SETD5: variants seen among roughly 807,000 people sequenced by gnomAD.
SETD5 encodes SET domain containing 5, also known as histone-lysine N-methyltransferase SETD5.
SETD5 carries 44 observed loss-of-function variants against 153.3 expected under a neutral mutation model. The ratio of observed to expected loss-of-function variants is 0.29; its 90% CI spans 0.23 to 0.37. The LOEUF (loss-of-function observed/expected upper bound fraction) is 0.37. Among genes scored for constraint, SETD5 ranks in the 10% least tolerant of loss-of-function variants. The pLI is 1.00. For synonymous variants in SETD5, 716 were observed against 645.2 expected, an observed-to-expected ratio of 1.11 and a Z score of -1.66; for missense variants, 1,544 against 1,768.0, an observed-to-expected ratio of 0.87 and a Z score of 2.27.
In SETD5 at chr3:9,440,515, G is replaced by A. The variant is rs767899702; in HGVS notation, c.627G>A (p.Arg209=). The change falls in exon 8 of 23, where the codon CGG becomes CGA. Residue 209 remains arginine, a synonymous_variant. Transcript: ENST00000402198. ...DENTTEGWEN[R]IRLWTDQYEE... Reference sequence around the variant, plus strand: ...ATACAACTGAGGGCTGGGAAAATCGGATAAGACTATGGACTGACCAGTATG... The same window carrying A: ...ATACAACTGAGGGCTGGGAAAATCGAATAAGACTATGGACTGACCAGTATG... 66 of 1,613,154 alleles carry A rather than the reference G, an allele frequency of 4.1e-5. No individual in the cohort carries two copies. The Middle Eastern group carries it at 4.9e-4, about 12-fold the overall frequency.
At chr3:9,460,704 A>G (rs1216133648) in intron 17 of SETD5, among the ~76,000 whole-genome samples, 6 of 152,184 alleles carry the variant, frequency 3.9e-5, no homozygotes, top group Non-Finnish European at 7.4e-5. Flanking sequence ...TAGTTATTCT[A>G]CATTTACAGA....
chr3:9,435,356 C>T (rs1165006621), intron 6 of SETD5, among the ~76,000 whole-genome samples: 1 of 151,924 alleles, frequency 6.6e-6, no homozygotes, highest in Non-Finnish European at 1.5e-5. Flanking sequence ...ATAGTTCTCT[C>T]ATTGTAAACG....
intron 21 of SETD5, 113 bp from the exon 22 acceptor site, chr3:9,474,955 C>A: frequency 1.1e-6 from 1 of 936,406 alleles, no homozygotes; most frequent in Non-Finnish European, 1.6e-6. Context: ...CAATTTGTCA[C>A]AAAGAGAGCA....
rs201609011 is a variant in SETD5, at chr3:9,466,224, C to G, written c.2724+1552C>G. On this transcript the variant is annotated intron_variant, in intron 18 of 22. Transcript: ENST00000402198. ...AATGGCGTGAACCCGGGAGGCGGAG[C>G]TTGCAGTGAGCCGAGATCGCGCCAT... is the stretch of plus-strand genomic sequence containing the variant. Among the ~76,000 whole-genome samples the G allele has an allele frequency of 1.3e-4, 19 of 144,562 alleles. No homozygotes were observed. In the South Asian group the frequency reaches 4.2e-3, roughly 32 times the overall value. 94.8% of individuals were successfully genotyped at this position (144,562 alleles called of 152,430 possible).
chr3:9,415,926 G>A (rs1411507385), intron 1 of SETD5, among the ~76,000 whole-genome samples: 1 of 150,792 alleles, frequency 6.6e-6, no homozygotes, highest in African/African-American at 2.4e-5. Context: ...CCAGGCTGGA[G>A]TGCAGCAGCG....
intron 1 of SETD5, among the ~76,000 whole-genome samples, chr3:9,411,201 C>CT (rs2036522704): frequency 6.6e-6 from 1 of 152,132 alleles, no homozygotes; most frequent in African/African-American, 2.4e-5. Context: ...TTCAGGTACA[C>CT]TTGGGACACT....
Position 9,434,957 on chromosome 3 carries a change from C to A in SETD5, c.388+75C>A. The A allele has an allele frequency of 1.3e-6, 2 of 1,535,670 alleles. No homozygotes were observed. Among genetic ancestry groups the A allele is most frequent in the East Asian group, 2.4e-5 (1 of 42,394 alleles). On this transcript the variant is annotated intron_variant, in intron 6 of 22. Coordinates refer to ENST00000402198, the MANE Select transcript of SETD5 (RefSeq NM_001080517.3). The surrounding 1 kb of genome is among the most constrained non-coding windows in gnomAD (Gnocchi z 5.6). ...GATCTGAATGTTCATTTTAAGAACC[C>A]CTCTTGGCCAGGCGCAGTGGCTTAC...
In SETD5 at chr3:9,476,430, C is replaced by A; in HGVS notation, c.*339C>A. ...CATCCTTGCCTGTAGCCCGTAGTCA[C>A]TTGTGCAGTGAGGACATCTTTTTAA... On this transcript the variant is annotated 3_prime_UTR_variant, in exon 23 of 23. Coordinates refer to ENST00000402198, the MANE Select transcript of SETD5 (RefSeq NM_001080517.3). The A allele has an allele frequency of 1.6e-5, 3 of 189,534 alleles. No individual in the cohort carries two copies. The highest frequency in any genetic ancestry group is 1.2e-4 in the East Asian group (1 of 8,312). The allele number at this position is 189,534 out of a possible 1,614,324, so 11.7% of individuals were successfully genotyped here.
At chr3:9,419,578 AATTAGTT>A (rs1449880711) in intron 1 of SETD5, among the ~76,000 whole-genome samples, 1 of 152,168 alleles carries the variant, frequency 6.6e-6, no homozygotes, top group Non-Finnish European at 1.5e-5. Context: ...AAATAAAAAC[AATTAGTT>A]ATAACTCAGA....
At chr3:9,414,133 T>C (rs936318168) in intron 1 of SETD5, among the ~76,000 whole-genome samples, 1 of 152,224 alleles carries the variant, frequency 6.6e-6, no homozygotes, top group South Asian at 2.1e-4. Context: ...AATGAGTATA[T>C]GTGCTCAAAT....
chr3:9,474,878 A>G, intron 21 of SETD5, 190 bp from the exon 22 acceptor site: 1 of 627,698 alleles, frequency 1.6e-6, no homozygotes, highest in South Asian at 2.1e-5. Flanking sequence ...CGGGAATCAC[A>G]TCAGGCATTT....
rs539395910 is a variant in SETD5, at chr3:9,476,079, G to A, written c.4317G>A (p.Thr1439=). The A allele has an allele frequency of 1.5e-5, 24 of 1,613,126 alleles. 1 individual carries two copies. The highest frequency in any genetic ancestry group is 3.3e-4 in the Middle Eastern group (2 of 6,062). Residue 1439 remains threonine, a synonymous_variant, in exon 23 of 23, where the codon ACG becomes ACA. Coordinates refer to ENST00000402198, the MANE Select transcript of SETD5 (RefSeq NM_001080517.3). ...AAGGGTCAGGAGTCAAGACTCAGAC[G>A]GGACTTTCCTAGGGCTTCTGGATTT... ...PLQGSGVKTQ[T]GLS
At chr3:9,430,255 G>A (rs2039805743) in intron 3 of SETD5, 2 of 984,604 alleles carry the variant, frequency 2.0e-6, no homozygotes, top group African/African-American at 3.5e-5. Flanking sequence ...TAACTTACCT[G>A]TTTACTGAGT....
intron 7 of SETD5, among the ~76,000 whole-genome samples, chr3:9,437,302 A>C (rs572124148): frequency 1.3e-5 from 2 of 152,238 alleles, no homozygotes; most frequent in Non-Finnish European, 2.9e-5. Context: ...GATAAGAATT[A>C]CTGTTTTCTC....
intron 3 of SETD5, chr3:9,431,906 A>G (rs2040011176): frequency 1.2e-5 from 2 of 164,468 alleles, no homozygotes; most frequent in Admixed American, 6.5e-5. Context: ...CAAAACCTAT[A>G]TAAAATATGT....
rs2045655117 is a variant in SETD5, at chr3:9,474,559, G to C, written c.3608G>C (p.Ser1203Thr). ...GGAGAGCCCTCTCCCACATGGGAGA[G>C]TAACATCACAGAGAAAGACTCAGGT... ...QKGEPSPTWE[S>T]NITEKDSDPA... Residue 1203 changes from serine (S) to threonine (T), a missense_variant, in exon 21 of 23, where the codon AGT becomes ACT. By Grantham distance (58) the Ser-to-Thr change is moderately conservative. Coordinates refer to ENST00000402198, the MANE Select transcript of SETD5 (RefSeq NM_001080517.3). 6.2e-7 allele frequency: 1 copy of C among 1,613,930 alleles called. No individual in the cohort carries two copies. The highest frequency in any genetic ancestry group is 2.2e-5 in the East Asian group (1 of 44,876).
intron 3 of SETD5, among the ~76,000 whole-genome samples, chr3:9,433,053 C>T (rs1410635116): frequency 6.6e-6 from 1 of 152,120 alleles, no homozygotes; most frequent in Non-Finnish European, 1.5e-5. Flanking sequence ...GGAGTATATA[C>T]CATGTTTAGT....
At position 9,397,906 on chromosome 3, in the gene SETD5, C is replaced by G. The variant is rs2033936149; in HGVS notation, c.-248C>G. ...CCGTGGCGCCGCGTTGGGCCTAACTCGAGTCCTGCCGCCTCCCGGGAGTGC... is the reference window on the plus strand; with the variant it reads ...CCGTGGCGCCGCGTTGGGCCTAACTGGAGTCCTGCCGCCTCCCGGGAGTGC... On this transcript the variant is annotated 5_prime_UTR_variant, in exon 1 of 23. Transcript: ENST00000402198. 1 of 151,772 alleles carries G rather than the reference C, an allele frequency of 6.6e-6. No homozygotes were observed. The highest frequency in any genetic ancestry group is 2.1e-4 in the South Asian group (1 of 4,810). The allele number at this position is 151,772 out of a possible 1,614,324, so 9.4% of individuals were successfully genotyped here. A position where few individuals can be genotyped will look rare whatever the true frequency, so the allele number is the denominator to read the frequency against.
chr3:9,415,239 C>T (rs1443597137), intron 1 of SETD5, among the ~76,000 whole-genome samples: 2 of 152,166 alleles, frequency 1.3e-5, no homozygotes, highest in African/African-American at 4.8e-5. Flanking sequence ...ATGACATGAG[C>T]ATTTTGGCCC....
Sources: gnomAD v4.1 joint callset for allele counts (sites outside exome capture counted in the v4.1 genomes callset) on GRCh38, gnomAD v4.1.1 for gene constraint, Gnocchi (gnomAD v3.1) non-coding constraint, MANE v1.5 for transcripts, NCBI Gene and HGNC (gene_info 2026-07-23, HGNC 2026-07-21) for gene names.